MYO5A: variants seen among roughly 807,000 people sequenced by gnomAD.
MYO5A encodes unconventional myosin-Va.
Under a neutral mutation model 249.7 loss-of-function variants are expected in MYO5A, and 98 were observed. That is an observed-to-expected ratio of 0.39 (90% confidence interval 0.33 to 0.46). MYO5A has a LOEUF of 0.46. Ranked by LOEUF, MYO5A falls within the 20% of genes least tolerant of loss-of-function variation. The pLI is 0.98. For synonymous variants in MYO5A, 778 were observed against 810.6 expected (o/e 0.96, Z 0.68); for missense variants, 1,696 against 2,308.8 (o/e 0.73, Z 5.44).
At chr15:52,497,063 G>A (rs2077052545) in intron 1 of MYO5A, among the ~76,000 whole-genome samples, 1 of 152,144 alleles carries the variant, frequency 6.6e-6, no homozygotes, top group African/African-American at 2.4e-5. Context: ...TCAGGCTCAA[G>A]CGATTCTCCC....
chr15:52,461,055 C>T (rs1257669572), intron 1 of MYO5A, among the ~76,000 whole-genome samples: 3 of 152,286 alleles, frequency 2.0e-5, no homozygotes, highest in Non-Finnish European at 2.9e-5. Flanking sequence ...CAGGCTCAGA[C>T]GATCCTCCCG....
intron 1 of MYO5A, among the ~76,000 whole-genome samples, chr15:52,479,929 G>C (rs894862940): frequency 1.3e-5 from 2 of 150,782 alleles, no homozygotes; most frequent in South Asian, 2.1e-4. Flanking sequence ...TTCTCCACCA[G>C]TTTGTGTGTG....
intron 4 of MYO5A, among the ~76,000 whole-genome samples, chr15:52,422,396 C>G (rs1161329040): frequency 6.6e-6 from 1 of 152,126 alleles, no homozygotes; most frequent in East Asian, 1.9e-4. Context: ...GCTCCCTTCC[C>G]CCTACTCCCC....
At chr15:52,367,275 C>A in intron 22 of MYO5A, 151 bp from the exon 23 acceptor site, 1 of 730,314 alleles carries the variant, frequency 1.4e-6, no homozygotes, top group Non-Finnish European at 2.4e-6. Context: ...TACAAACTTG[C>A]TCAAGCATTA....
At chr15:52,410,310 A>G (rs2043194528) in intron 6 of MYO5A, 23 bp downstream of exon 6, 2 of 1,607,174 alleles carry the variant, frequency 1.2e-6, no homozygotes, top group East Asian at 2.2e-5. Context: ...ACACAAGTGC[A>G]TATGTGTATA....
rs149561463 is a variant in MYO5A at position 52,420,989 on chromosome 15, G to A, written c.456-4688C>T. Among the ~76,000 whole-genome samples the A allele has an allele frequency of 2.0e-4, 31 of 152,194 alleles. 1 individual carries two copies. The East Asian group carries it at 6.0e-3, about 29-fold the overall frequency. On this transcript the variant is annotated intron_variant, in intron 4 of 41. Transcript: ENST00000399233. ...GTAAAGCAGTGGTGATCTGCTCCAG[G>A]GATATAATGAGGATTACATGCCTGG...
intron 3 of MYO5A, among the ~76,000 whole-genome samples, chr15:52,427,105 AT>A (rs1271567651): frequency 2.0e-5 from 3 of 151,528 alleles, no homozygotes; most frequent in Admixed American, 1.3e-4. Flanking sequence ...AATACTGGCT[AT>A]TTTTCAGTGG....
chr15:52,440,536 A>C (rs2075764990), intron 1 of MYO5A, among the ~76,000 whole-genome samples: 1 of 152,164 alleles, frequency 6.6e-6, no homozygotes, highest in Non-Finnish European at 1.5e-5. Flanking sequence ...TCAAAGTGCT[A>C]GGATTAAAGG....
At chr15:52,527,563 C>T (rs1402162674) in intron 1 of MYO5A, among the ~76,000 whole-genome samples, 1 of 152,214 alleles carries the variant, frequency 6.6e-6, no homozygotes, top group African/African-American at 2.4e-5. Context: ...AAAAAGCTTT[C>T]ACAACGATTA....
rs761607068 is a variant in MYO5A, at chr15:52,472,330, C to T, written c.28-39045G>A. Among the ~76,000 whole-genome samples, 97 of 152,178 alleles carry T rather than the reference C, an allele frequency of 6.4e-4. 1 individual carries two copies. Among genetic ancestry groups the T allele is most frequent in the African/African-American group, 1.7e-3 (70 of 41,438 alleles). The stretch of plus-strand genomic sequence containing the variant: ...GCCTGACCTCGTGATCGGCCCACCT[C>T]GGTCTCCTAAAGTGCTGGGATTACA... On this transcript the variant is annotated intron_variant, in intron 1 of 41. Transcript: ENST00000399233.
At chr15:52,353,393 T>C (rs544158065) in intron 27 of MYO5A, among the ~76,000 whole-genome samples, 1 of 152,296 alleles carries the variant, frequency 6.6e-6, no homozygotes, top group Admixed American at 6.5e-5. Context: ...AGCAGCTACT[T>C]CTCCTGTTCC....
At chr15:52,512,160 C>CAA (rs535878540) in intron 1 of MYO5A, among the ~76,000 whole-genome samples, 365 of 93,470 alleles carry the variant, frequency 3.9e-3, no homozygotes, top group African/African-American at 0.011. Context: ...AAGACTGTCT[C>CAA]AAAAAAAAAA....
intron 1 of MYO5A, among the ~76,000 whole-genome samples, chr15:52,438,720 A>T (rs909377696): frequency 3.9e-5 from 6 of 152,264 alleles, no homozygotes; most frequent in African/African-American, 1.4e-4. Context: ...ATATAAACCC[A>T]GGCATTCCAG....
chr15:52,525,806 C>G (rs971491812), intron 1 of MYO5A, among the ~76,000 whole-genome samples: 1 of 152,176 alleles, frequency 6.6e-6, no homozygotes, highest in African/African-American at 2.4e-5. Context: ...CCAACCCATT[C>G]CCTAACTTCT....
chr15:52,425,172 G>A (rs555233439), intron 4 of MYO5A, among the ~76,000 whole-genome samples: 2 of 152,218 alleles, frequency 1.3e-5, no homozygotes, highest in African/African-American at 4.8e-5. Context: ...AGGCTTTTTA[G>A]TTCTAGTCTA....
chr15:52,431,356 C>A (rs143071181), intron 2 of MYO5A, among the ~76,000 whole-genome samples: 3 of 151,320 alleles, frequency 2.0e-5, no homozygotes, highest in Non-Finnish European at 4.4e-5. Flanking sequence ...AGCAAGACAA[C>A]CATCTCTAAA....
At chr15:52,376,679 A>C in intron 18 of MYO5A, 121 bp from the exon 19 acceptor site, 1 of 931,996 alleles carries the variant, frequency 1.1e-6, no homozygotes, top group Middle Eastern at 3.0e-4. Flanking sequence ...CTTGGGCTAC[A>C]TCACAATTAA....
At chr15:52,433,551 G>A (rs2075590533) in intron 1 of MYO5A, among the ~76,000 whole-genome samples, 2 of 150,774 alleles carry the variant, frequency 1.3e-5, no homozygotes, top group Admixed American at 6.7e-5. Flanking sequence ...CTCCTGAGTA[G>A]CTGGAATTAC....
intron 35 of MYO5A, among the ~76,000 whole-genome samples, chr15:52,328,646 G>A (rs968598917): frequency 2.0e-5 from 3 of 152,150 alleles, no homozygotes; most frequent in Non-Finnish European, 2.9e-5. Context: ...ACAACAATCA[G>A]GGCCATTCTT....
Sources: allele counts gnomAD v4.1 joint callset (sites outside exome capture counted in the v4.1 genomes callset), GRCh38; gene constraint gnomAD v4.1.1; transcripts MANE v1.5; gene names NCBI Gene and HGNC (gene_info 2026-07-23, HGNC 2026-07-21).